CHRD: variants seen among roughly 807,000 people sequenced by gnomAD.
CHRD encodes the protein chordin.
Under a neutral mutation model 113.7 loss-of-function variants are expected in CHRD, and 69 were observed. That is an observed-to-expected ratio of 0.61 (90% confidence interval 0.50 to 0.74). The LOEUF is 0.74. Ranked by LOEUF, CHRD falls within the 30% of genes least tolerant of loss-of-function variation. CHRD has a pLI of 0.00. For synonymous variants in CHRD, 561 were observed against 540.8 expected (o/e 1.04, Z -0.52); for missense variants, 1,194 against 1,295.8 (o/e 0.92, Z 1.21).
intron 22 of CHRD, 117 bp from the exon 23 acceptor site, chr3:184,389,250 A>G (rs1415578353): frequency 1.1e-6 from 1 of 907,994 alleles, no homozygotes; most frequent in Non-Finnish European, 1.7e-6. Flanking sequence ...TGACCTGTTT[A>G]GAAAATACTG....
chr3:184,380,382 C>T lies in CHRD; in HGVS notation c.64C>T (p.Arg22Trp). 1 of 1,341,558 alleles carries T rather than the reference C, an allele frequency of 7.5e-7. No individual in the cohort carries two copies. The highest frequency in any genetic ancestry group is 9.6e-7 in the Non-Finnish European group (1 of 1,036,490). The allele number at this position is 1,341,558 out of a possible 1,614,324, so 83.1% of individuals were successfully genotyped here. Residue 22 changes from arginine (R) to tryptophan (W), a missense_variant, in exon 1 of 23, where the codon CGG (arginine) becomes TGG (tryptophan). By Grantham distance (101) the Arg-to-Trp change is moderately radical. Transcript: ENST00000204604. This position sits in a 1 kb window ranked among gnomAD's most constrained non-coding sequence, Gnocchi z 6.3. ...CCTCGGGCTGCTGCTGCTCGGCTCC[C>T]GGCCGGCCCGCGGCGCCGGCCCAGA...
rs759567227 is a variant in CHRD at position 184,388,614 on chromosome 3, G to C, written c.2582G>C (p.Gly861Ala). 6.2e-7 allele frequency: 1 copy of C among 1,612,466 alleles called. No individual in the cohort carries two copies. The highest frequency in any genetic ancestry group is 8.5e-7 in the Non-Finnish European group (1 of 1,179,990). ...GGGTCGGGGGCCCACCCCCAGCTGGGGGACCCCATGCAGGCTGATGGGCCC... is the reference window on the plus strand; with the variant it reads ...GGGTCGGGGGCCCACCCCCAGCTGGCGGACCCCATGCAGGCTGATGGGCCC... The change falls in exon 21 of 23, where the codon GGG becomes GCG. Residue 861 changes from glycine to alanine, a missense_variant. Transcript: ENST00000204604. The surrounding 1 kb of genome is among the most constrained non-coding windows in gnomAD (Gnocchi z 6.1).
chr3:184,381,250 C>T lies in CHRD; in HGVS notation c.268C>T (p.Arg90Cys), dbSNP rs749842503. 1.2e-5 allele frequency: 20 copies of T among 1,613,348 alleles called. No homozygotes were observed. Among genetic ancestry groups the T allele is most frequent in the Admixed American group, 1.7e-5 (1 of 60,018 alleles). ...CCGGGAGCAGCCTCAGTGGGGTCGC[C>T]GTACCAGGGGCCCTGGCAGGGTCAG... The change falls in exon 3 of 23, where the codon CGT becomes TGT. Residue 90 changes from arginine (R) to cysteine (C), a missense_variant. Physicochemically the swap from Arg to Cys is radical, Grantham distance 180. Transcript: ENST00000204604. The surrounding 1 kb of genome is among the most constrained non-coding windows in gnomAD (Gnocchi z 4.7).
At position 184,387,009 on chromosome 3, in the gene CHRD, G is replaced by C. The variant is rs1291123114; in HGVS notation, c.2291-42G>C. 6.2e-7 allele frequency: 1 copy of C among 1,613,868 alleles called. No individual in the cohort carries two copies. The highest frequency in any genetic ancestry group is 2.2e-5 in the East Asian group (1 of 44,868). On this transcript the variant is annotated intron_variant, in intron 17 of 22. Transcript: ENST00000204604. This position sits in a 1 kb window ranked among gnomAD's most constrained non-coding sequence, Gnocchi z 6.1. ...GACAGGTCCTTTGGGGAGGGAATGA[G>C]GGTGGTCACTCTCTGCTTTCACCAT...
intron 7 of CHRD, 51 bp from the exon 8 acceptor site, chr3:184,382,583 G>A: frequency 6.2e-7 from 1 of 1,610,998 alleles, no homozygotes; most frequent in Non-Finnish European, 8.5e-7. Flanking sequence ...CTATCACCCA[G>A]GAAAGGGGGG....
Position 184,380,454 on chromosome 3 carries a change from CG to C in CHRD, c.140del (p.Gly47GlufsTer22). 1 of 1,196,692 alleles carries C rather than the reference CG, an allele frequency of 8.4e-7. No individual in the cohort carries two copies. Among genetic ancestry groups the C allele is most frequent in the African/African-American group, 1.6e-5 (1 of 61,214 alleles). The allele number at this position is 1,196,692 out of a possible 1,614,324, so 74.1% of individuals were successfully genotyped here. A position where few individuals can be genotyped will look rare whatever the true frequency, so the allele number is the denominator to read the frequency against. On this transcript the variant is annotated frameshift_variant, in exon 1 of 23. Transcript: ENST00000204604. LOFTEE classifies it high-confidence loss of function. The surrounding 1 kb of genome is among the most constrained non-coding windows in gnomAD (Gnocchi z 6.3). ...TTCTGAGAAGGAGCCGCTGCCCGTT[CG>C]GGGAGCGGCAGGTAGGTGGGCGCCC...
At chr3:184,386,283 C>A (rs999312422) in intron 15 of CHRD, 124 bp downstream of exon 15, 70 of 1,236,576 alleles carry the variant, frequency 5.7e-5, no homozygotes, top group Non-Finnish European at 7.1e-5. Flanking sequence ...ACAGCGCCCC[C>A]CCGGCTGGTG....
Position 184,388,387 on chromosome 3 carries a change from G to GCATCCATCCATCCATC in CHRD, c.2555-170_2555-155dup, listed in dbSNP as rs61133846. ...TCCATCCACCCATCCACCCATTGAT[G>GCATCCATCCATCCATC]CATCCATCCATCCATCCATCCATCC... On this transcript the variant is annotated intron_variant, in intron 20 of 22. Coordinates refer to ENST00000204604, the Ensembl canonical transcript of CHRD. The surrounding 1 kb of genome is among the most constrained non-coding windows in gnomAD (Gnocchi z 6.1). Among the ~76,000 whole-genome samples, 742 of 146,088 alleles carry GCATCCATCCATCCATC rather than the reference G, an allele frequency of 5.1e-3. 2 individuals are homozygous for GCATCCATCCATCCATC. The highest frequency in any genetic ancestry group is 0.015 in the African/African-American group (594 of 39,524).
rs1468613643 is a variant in CHRD at position 184,385,008 on chromosome 3, C to T, written c.1598-10C>T. The T allele has an allele frequency of 6.2e-7, 1 of 1,613,222 alleles. No individual in the cohort carries two copies. The highest frequency in any genetic ancestry group is 8.5e-7 in the Non-Finnish European group (1 of 1,179,662). Reference sequence around the variant, plus strand: ...TTCTCACCTGTCATCTCTCCTCTGTCTGGACCCAGCGCTGCCCGTGCCCCT... The same window carrying T: ...TTCTCACCTGTCATCTCTCCTCTGTTTGGACCCAGCGCTGCCCGTGCCCCT... On this transcript the variant is annotated splice_polypyrimidine_tract_variant and intron_variant, in intron 13 of 22. Transcript: ENST00000204604.
In CHRD at chr3:184,380,782, G is replaced by A. The variant is rs759391287; in HGVS notation, c.239G>A (p.Cys80Tyr). 1.3e-6 allele frequency: 2 copies of A among 1,596,382 alleles called. No individual in the cohort carries two copies. The highest frequency in any genetic ancestry group is 3.4e-5 in the Admixed American group (2 of 58,884). The change falls in exon 2 of 23, where the codon TGC (cysteine) becomes TAC (tyrosine). Residue 80 changes from cysteine to tyrosine, a missense_variant. Cys to Tyr is a radical substitution (Grantham distance 194). Coordinates refer to ENST00000204604, the Ensembl canonical transcript of CHRD. The surrounding 1 kb of genome is among the most constrained non-coding windows in gnomAD (Gnocchi z 6.3). ...TTCGGGGTGATGCGCTGCGTGCTGT[G>A]CGCCTGCGAGGCGGTGAGTGCACCC... is the stretch of plus-strand genomic sequence containing the variant.
rs1283303932 is a variant in CHRD, at chr3:184,381,325, C to G, written c.343C>G (p.Arg115Gly). ...CCCAACCCCGGCCTGTGGGCAGCCG[C>G]GCCAGCTGCCGGGACACTGCTGCCA... Residue 115 changes from arginine to glycine, a missense_variant, in exon 3 of 23, where the codon CGC becomes GGC. Transcript: ENST00000204604. This position sits in a 1 kb window ranked among gnomAD's most constrained non-coding sequence, Gnocchi z 4.7. 2 of 1,606,038 alleles carry G rather than the reference C, an allele frequency of 1.2e-6. No homozygotes were observed. The highest frequency in any genetic ancestry group is 1.7e-6 in the Non-Finnish European group (2 of 1,176,846).
At chr3:184,380,071 G>A (rs1449945942), upstream of CHRD, 2 of 143,120 alleles carry the variant, frequency 1.4e-5, no homozygotes, top group Admixed American at 6.9e-5. The surrounding 1 kb of genome is among the most constrained non-coding windows in gnomAD (Gnocchi z 6.3). Context: ...AGCCGCGTAC[G>A]GCCCGGGTCA....
At chr3:184,382,332 A>G (rs145168501) in intron 6 of CHRD, 57 bp from the exon 7 acceptor site, 5 of 1,600,086 alleles carry the variant, frequency 3.1e-6, no homozygotes, top group East Asian at 2.2e-5. Context: ...TGGGCATCCT[A>G]ATTGGCCTAG....
exon 7 of CHRD, chr3:184,382,408 C>T: frequency 1.2e-6 from 2 of 1,614,054 alleles, no homozygotes; most frequent in South Asian, 2.2e-5. Context: ...GTGTGGCGGG[C>T]AGTGCCTCGG....
Position 184,380,980 on chromosome 3 carries a change from G to C in CHRD, c.252+185G>C, listed in dbSNP as rs1335402654. ...GGTGCTGTTACTGATCGCCCACTCT[G>C]TGTGAGGCTCTGTGCCAACTCCGTT... On this transcript the variant is annotated intron_variant, in intron 2 of 22. Coordinates refer to ENST00000204604, the Ensembl canonical transcript of CHRD. The surrounding 1 kb of genome is among the most constrained non-coding windows in gnomAD (Gnocchi z 6.3). The C allele has an allele frequency of 5.4e-6, 4 of 734,266 alleles. No individual in the cohort carries two copies. The highest frequency in any genetic ancestry group is 7.2e-6 in the Non-Finnish European group (3 of 414,528). The allele number at this position is 734,266 out of a possible 1,614,324, so 45.5% of individuals were successfully genotyped here.
chr3:184,380,598 G>C lies in CHRD; in HGVS notation c.149-94G>C. On this transcript the variant is annotated intron_variant, in intron 1 of 22. Coordinates refer to ENST00000204604, the Ensembl canonical transcript of CHRD. The surrounding 1 kb of genome is among the most constrained non-coding windows in gnomAD (Gnocchi z 6.3). ...CCGGAGGGTGGGCGGGGGCAGAAGGGCGCGGTGCCTGGGACCCGGGACCCG... is the reference window on the plus strand; with the variant it reads ...CCGGAGGGTGGGCGGGGGCAGAAGGCCGCGGTGCCTGGGACCCGGGACCCG... 8.8e-7 allele frequency: 1 copy of C among 1,138,286 alleles called. No homozygotes were observed. 70.5% of individuals were successfully genotyped at this position (1,138,286 alleles called of 1,614,324 possible). A position where few individuals can be genotyped will look rare whatever the true frequency, so the allele number is the denominator to read the frequency against.
intron 15 of CHRD, 29 bp from the exon 16 acceptor site, chr3:184,386,461 CAG>C: frequency 6.5e-7 from 1 of 1,533,818 alleles, no homozygotes; most frequent in Non-Finnish European, 8.7e-7. Flanking sequence ...GGGGGAGCCC[CAG>C]CGCTGCCTCA....
rs1716734528 is a variant in CHRD, at chr3:184,388,523, A to G, written c.2555-64A>G. ...AAACTGCAACGTGCTGGGTATTCAA[A>G]GAGAATACTCATAAAACCTTGTTGG... On this transcript the variant is annotated intron_variant, in intron 20 of 22. Transcript: ENST00000204604. The surrounding 1 kb of genome is among the most constrained non-coding windows in gnomAD (Gnocchi z 6.1). 65 of 1,530,120 alleles carry G rather than the reference A, an allele frequency of 4.2e-5. No individual in the cohort carries two copies. Among genetic ancestry groups the G allele is most frequent in the Non-Finnish European group, 5.4e-5 (62 of 1,139,794 alleles). 94.8% of individuals were successfully genotyped at this position (1,530,120 alleles called of 1,614,324 possible).
chr3:184,386,815 T>G (rs1560310685), intron 16 of CHRD, 30 bp from the exon 17 acceptor site: 2 of 1,613,948 alleles, frequency 1.2e-6, no homozygotes, highest in Non-Finnish European at 1.7e-6. Context: ...GCCTGGACAC[T>G]CCCGTCAATG....
Sources: gnomAD v4.1 joint callset for allele counts (sites outside exome capture counted in the v4.1 genomes callset) on GRCh38, gnomAD v4.1.1 for gene constraint, Gnocchi (gnomAD v3.1) non-coding constraint, MANE v1.5 for transcripts, NCBI Gene and HGNC (gene_info 2026-07-23, HGNC 2026-07-21) for gene names.